Variants in TPM1 observed in about 807,000 individuals in gnomAD.
TPM1 encodes tropomyosin 1, also known as tropomyosin alpha-1 chain.
TPM1 carries 24 observed loss-of-function variants against 42.9 expected under a neutral mutation model. The ratio of observed to expected loss-of-function variants is 0.56; its 90% CI spans 0.41 to 0.79. The LOEUF is 0.79. Ranked by LOEUF, TPM1 falls within the 30% of genes least tolerant of loss-of-function variation. The pLI is 0.00. For missense variants in TPM1, 158 were observed against 351.8 expected (o/e 0.45, Z 4.41); for synonymous variants, 136 against 130.1 (o/e 1.05, Z -0.31).
intron 2 of TPM1, among the ~76,000 whole-genome samples, chr15:63,052,136 T>TAATC (rs2034006914): frequency 6.6e-6 from 1 of 151,722 alleles, no homozygotes; most frequent in Non-Finnish European, 1.5e-5. Flanking sequence ...AGTAGTTCAT[T>TAATC]GTTAGAACAC....
At chr15:63,048,532 G>T (rs1232739722) in intron 2 of TPM1, 1 of 1,508,822 alleles carries the variant, frequency 6.6e-7, no homozygotes, top group Non-Finnish European at 8.8e-7. Context: ...GCAGCAGCCG[G>T]CCTCTCCCAC....
intron 2 of TPM1, chr15:63,044,727 C>T (rs1372663577): frequency 5.7e-6 from 1 of 176,066 alleles, no homozygotes; most frequent in Admixed American, 5.4e-5. Flanking sequence ...TAAGATCTGC[C>T]TGGGAAGATG....
intron 2 of TPM1, chr15:63,056,749 G>A (rs1340264577): frequency 1.8e-6 from 1 of 568,920 alleles, no homozygotes; most frequent in Non-Finnish European, 3.2e-6. Context: ...CTGTCTGTCT[G>A]ATGAGAATTG....
At chr15:63,043,283 G>T in intron 1 of TPM1, 1 of 518,484 alleles carries the variant, frequency 1.9e-6, no homozygotes, top group East Asian at 4.2e-5. Flanking sequence ...GCGAGGGATG[G>T]AGAAAGGGGG....
chr15:63,059,454 C>A, intron 3 of TPM1, 109 bp from the exon 4 acceptor site: 1 of 780,078 alleles, frequency 1.3e-6, no homozygotes. Context: ...GCTCTGTGCT[C>A]TATTTTGGTC....
At chr15:63,063,592 G>C (rs1202394901) in intron 8 of TPM1, among the ~76,000 whole-genome samples, 2 of 152,196 alleles carry the variant, frequency 1.3e-5, no homozygotes, top group African/African-American at 4.8e-5. Context: ...AACCAGATAA[G>C]GACTACAGGC....
At position 63,062,608 on chromosome 15, in the gene TPM1, A is replaced by G. The variant is rs771961466; in HGVS notation, c.735A>G (p.Ser245=). The G allele has an allele frequency of 6.2e-7, 1 of 1,614,268 alleles. No individual in the cohort carries two copies. Among genetic ancestry groups the G allele is most frequent in the Non-Finnish European group, 8.5e-7 (1 of 1,180,046 alleles). ...AETRAEFAER[S]VTKLEKSIDD... Reference sequence around the variant, plus strand: ...CTCGGGCTGAGTTTGCGGAGAGGTCAGTAACTAAATTGGAGAAAAGCATTG... The same window carrying G: ...CTCGGGCTGAGTTTGCGGAGAGGTCGGTAACTAAATTGGAGAAAAGCATTG... The change falls in exon 8 of 10, where the codon TCA becomes TCG. Residue 245 remains serine (S), a synonymous_variant. Coordinates refer to ENST00000403994, the MANE Select transcript of TPM1 (RefSeq NM_001018005.2).
Position 63,059,725 on chromosome 15 carries a change from C to A in TPM1, c.492+45C>A, listed in dbSNP as rs370993338. 21 of 1,382,230 alleles carry A rather than the reference C, an allele frequency of 1.5e-5. No homozygotes were observed. The African/African-American group carries it at 3.0e-4, about 20-fold the overall frequency. 85.6% of individuals were successfully genotyped at this position (1,382,230 alleles called of 1,614,324 possible). ...AGCCTTGTGGACACCCAGCAGTGGC[C>A]TTCAGGAAGCCAGGGAGCAATGTAC... On this transcript the variant is annotated intron_variant, in intron 4 of 9. Coordinates refer to ENST00000403994, the MANE Select transcript of TPM1 (RefSeq NM_001018005.2).
At chr15:63,070,881 G>A, downstream of TPM1, 2 of 1,356,664 alleles carry the variant, frequency 1.5e-6, no homozygotes, top group Non-Finnish European at 1.9e-6. Context: ...ACTGCTCTGT[G>A]AGAATCCGTG....
intron 2 of TPM1, among the ~76,000 whole-genome samples, chr15:63,052,530 AAAG>A (rs72212970): frequency 0.65 from 97,723 of 151,328 alleles, 32,152 homozygotes; most frequent in East Asian, 0.97. Flanking sequence ...CTCAAAGAAA[AAAG>A]AAGAAGAAGA....
Position 63,061,697 on chromosome 15 carries a change from T to C in TPM1, c.564-16T>C. ...GCTTGTCTCCCACCCTTTCTGCCTC[T>C]GATCGAAAACATTAGCAAATGTGCC... On this transcript the variant is annotated splice_polypyrimidine_tract_variant and intron_variant, in intron 5 of 9. Transcript: ENST00000403994. 1 of 1,613,720 alleles carries C rather than the reference T, an allele frequency of 6.2e-7. No individual in the cohort carries two copies. Among genetic ancestry groups the C allele is most frequent in the Non-Finnish European group, 8.5e-7 (1 of 1,179,576 alleles).
At chr15:63,069,951 A>G (rs1163642344), downstream of TPM1, 1 of 1,613,940 alleles carries the variant, frequency 6.2e-7, no homozygotes, top group Non-Finnish European at 8.5e-7. Flanking sequence ...TAAACTTAAG[A>G]GTGAAAAAAC....
chr15:63,061,960 T>G, intron 6 of TPM1, 172 bp downstream of exon 6: 1 of 693,746 alleles, frequency 1.4e-6, no homozygotes, highest in Non-Finnish European at 2.5e-6. Context: ...AGAATTTATT[T>G]TATGTTAGGG....
downstream of TPM1, chr15:63,069,831 C>G: frequency 6.2e-7 from 1 of 1,613,630 alleles, no homozygotes; most frequent in East Asian, 2.2e-5. Context: ...TGTCTTCCTT[C>G]TGCCTCTTTT....
intron 2 of TPM1, chr15:63,046,714 C>T (rs2032456838): frequency 1.3e-5 from 2 of 152,588 alleles, no homozygotes; most frequent in South Asian, 4.1e-4. Context: ...ATATTTATAG[C>T]ATATGAGTCT....
chr15:63,048,646 C>T (rs1384631718), intron 2 of TPM1: 1 of 1,538,820 alleles, frequency 6.5e-7, no homozygotes, highest in Admixed American at 2.0e-5. Context: ...GCGGACGCCG[C>T]TGAGGAGCGC....
chr15:63,067,678 C>G (rs1343307010), downstream of TPM1, among the ~76,000 whole-genome samples: 1 of 152,200 alleles, frequency 6.6e-6, no homozygotes, highest in Non-Finnish European at 1.5e-5. Context: ...AAGAGGAAAA[C>G]TTGATAAACT....
rs552046495 is a variant in TPM1 at position 63,056,918 on chromosome 15, G to C, written c.241-67G>C. 7 of 1,609,516 alleles carry C rather than the reference G, an allele frequency of 4.3e-6. No homozygotes were observed. The South Asian group carries it at 7.7e-5, about 18-fold the overall frequency. ...ATCTGAAATCAGCATTGCAGTCCCA[G>C]CCATTTCCTGAAGCTACCACCCTCA... On this transcript the variant is annotated intron_variant, in intron 2 of 9. Transcript: ENST00000403994.
intron 4 of TPM1, 72 bp from the exon 5 acceptor site, chr15:63,060,797 C>G (rs1372635570): frequency 3.2e-6 from 5 of 1,543,598 alleles, no homozygotes; most frequent in Admixed American, 1.7e-5. Context: ...GATCTGATCT[C>G]TACCCCCATG....
Sources: allele counts gnomAD v4.1 joint callset (sites outside exome capture counted in the v4.1 genomes callset), GRCh38; gene constraint gnomAD v4.1.1; transcripts MANE v1.5; gene names NCBI Gene and HGNC (gene_info 2026-07-23, HGNC 2026-07-21).